The following CCNY variants were observed in gnomAD, a reference collection of about 807,000 sequenced individuals.
CCNY encodes the protein cyclin-Y.
CCNY carries 19 observed loss-of-function variants against 42.8 expected under a neutral mutation model. That is an observed-to-expected ratio of 0.44 (90% CI 0.31 to 0.65). CCNY has a LOEUF of 0.65. Among genes scored for constraint, CCNY ranks in the 30% least tolerant of loss-of-function variants. The probability of loss-of-function intolerance (pLI) is 0.07; values close to 1 mark genes in which losing one functional copy is unlikely to be tolerated. For synonymous variants in CCNY, 165 were observed against 162.7 expected, an observed-to-expected ratio of 1.01 and a Z score of -0.11; for missense variants, 370 against 437.3, an observed-to-expected ratio of 0.85 and a Z score of 1.37.
intron 1 of CCNY, chr10:35,449,912 G>T (rs1007998720): frequency 2.0e-5 from 10 of 496,422 alleles, no homozygotes; most frequent in Non-Finnish European, 2.4e-5. Context: ...CCTGAGTAGG[G>T]TGTCAAGAGT....
At chr10:35,465,658 A>AG (rs1009300176) in intron 1 of CCNY, among the ~76,000 whole-genome samples, 37 of 152,088 alleles carry the variant, frequency 2.4e-4, no homozygotes, top group African/African-American at 8.9e-4. Context: ...GTCTACTGGC[A>AG]GTTCCCTAAT....
At chr10:35,271,238 T>C (rs1016574289) in intron 3 of CCNY, among the ~76,000 whole-genome samples, 2 of 152,070 alleles carry the variant, frequency 1.3e-5, no homozygotes, top group African/African-American at 2.4e-5. Context: ...CACAACTTAA[T>C]AGAGCAGAAA....
intron 1 of CCNY, among the ~76,000 whole-genome samples, chr10:35,389,185 A>G (rs1837358404): frequency 6.6e-6 from 1 of 152,112 alleles, no homozygotes; most frequent in African/African-American, 2.4e-5. Context: ...CCTCATCTAT[A>G]TCAGATTATA....
At position 35,301,182 on chromosome 10, in the gene CCNY, C is replaced by T. The variant is rs541285648; in HGVS notation, c.-9+50556C>T. Among the ~76,000 whole-genome samples, 4 of 152,264 alleles carry T rather than the reference C, an allele frequency of 2.6e-5. No individual in the cohort carries two copies. The East Asian group carries it at 7.7e-4, about 29-fold the overall frequency. On this transcript the variant is annotated intron_variant, in intron 3 of 11. Transcript: ENST00000374706. ...GGATTCAAACTCAGATAATCTGGCA[C>T]CAGGGCTGAGATCTTAACTACAACA...
At chr10:35,391,892 C>T (rs1284969244) in intron 1 of CCNY, among the ~76,000 whole-genome samples, 1 of 152,172 alleles carries the variant, frequency 6.6e-6, no homozygotes, top group Non-Finnish European at 1.5e-5. Flanking sequence ...TATCTACCAC[C>T]CTTCATGGCC....
chr10:35,372,274 T>C (rs913725314), intron 1 of CCNY, among the ~76,000 whole-genome samples: 21 of 152,212 alleles, frequency 1.4e-4, no homozygotes, highest in African/African-American at 4.8e-4. Flanking sequence ...TTCAGGTGGC[T>C]TCATTTTTTT....
intron 3 of CCNY, among the ~76,000 whole-genome samples, chr10:35,254,328 T>C (rs1166358564): frequency 6.6e-6 from 1 of 152,184 alleles, no homozygotes; most frequent in East Asian, 1.9e-4. Context: ...CATTTGGAAA[T>C]TTATTTTGGC....
At chr10:35,487,740 T>C (rs1839816471) in intron 2 of CCNY, among the ~76,000 whole-genome samples, 1 of 152,006 alleles carries the variant, frequency 6.6e-6, no homozygotes, top group Non-Finnish European at 1.5e-5. Context: ...AAAGCCAGAG[T>C]GACTGCTTTC....
At chr10:35,483,362 T>C in intron 1 of CCNY, 42 bp from the exon 2 acceptor site, 3 of 1,282,170 alleles carry the variant, frequency 2.3e-6, no homozygotes, top group Non-Finnish European at 3.4e-6. Flanking sequence ...CTCTTAGTTA[T>C]CAGATGGTTT....
At position 35,293,951 on chromosome 10, in the gene CCNY, C is replaced by T. The variant is rs12251920; in HGVS notation, c.-9+43325C>T. Among the ~76,000 whole-genome samples the T allele has an allele frequency of 7.9e-3, 1,200 of 152,104 alleles. 22 individuals are homozygous for T. Among genetic ancestry groups the T allele is most frequent in the African/African-American group, 0.028 (1,146 of 41,474 alleles). On this transcript the variant is annotated intron_variant, in intron 3 of 11. Coordinates refer to the CCNY transcript ENST00000374706. ...GATTACAGTCACCTGCCACCACACT[C>T]GGCTACTTTTTGTATTTTAGTAGAG...
chr10:35,556,893 T>C (rs975211366), intron 8 of CCNY, among the ~76,000 whole-genome samples: 2 of 151,956 alleles, frequency 1.3e-5, no homozygotes, highest in Non-Finnish European at 2.9e-5. Flanking sequence ...TTGCCCAGGC[T>C]GGAGTCCAAT....
intron 1 of CCNY, among the ~76,000 whole-genome samples, chr10:35,443,393 T>G (rs1838717650): frequency 6.6e-6 from 1 of 152,204 alleles, no homozygotes; most frequent in African/African-American, 2.4e-5. Context: ...TTTCTTTATA[T>G]CCATACTCTG....
At chr10:35,431,829 C>A (rs554995830) in intron 1 of CCNY, among the ~76,000 whole-genome samples, 3 of 152,040 alleles carry the variant, frequency 2.0e-5, no homozygotes, top group Non-Finnish European at 4.4e-5. Flanking sequence ...TACTTAGCCT[C>A]CTAGTTTTTT....
At chr10:35,564,559 A>G (rs965312949) in intron 8 of CCNY, among the ~76,000 whole-genome samples, 8 of 152,176 alleles carry the variant, frequency 5.3e-5, no homozygotes, top group Non-Finnish European at 7.3e-5. Flanking sequence ...TGGTGCCTGC[A>G]TGTGAGGCTC....
At chr10:35,462,753 C>T (rs530530671) in intron 1 of CCNY, among the ~76,000 whole-genome samples, 1 of 152,218 alleles carries the variant, frequency 6.6e-6, no homozygotes, top group Non-Finnish European at 1.5e-5. Flanking sequence ...CACTAGCCGT[C>T]CCTCTACCCA....
intron 1 of CCNY, among the ~76,000 whole-genome samples, chr10:35,438,373 C>T (rs538933631): frequency 2.2e-4 from 34 of 151,900 alleles, no homozygotes; most frequent in Admixed American, 1.9e-3. Flanking sequence ...CCAGGCTAGT[C>T]TTGAACTCTT....
intron 3 of CCNY, among the ~76,000 whole-genome samples, chr10:35,505,106 AT>A (rs1840188491): frequency 6.6e-6 from 1 of 151,032 alleles, no homozygotes; most frequent in Admixed American, 6.6e-5. Context: ...CTGATTATAG[AT>A]TGTGGGTGAC....
chr10:35,431,176 T>G (rs1838387365), intron 1 of CCNY, among the ~76,000 whole-genome samples: 1 of 152,022 alleles, frequency 6.6e-6, no homozygotes, highest in African/African-American at 2.4e-5. Flanking sequence ...CTGGTGAATA[T>G]GTTTATAAAC....
chr10:35,509,408 TG>T (rs972879526), intron 3 of CCNY, among the ~76,000 whole-genome samples: 21 of 152,130 alleles, frequency 1.4e-4, no homozygotes, highest in African/African-American at 5.1e-4. Context: ...CCTGAGTAGC[TG>T]GGATTACAGG....
Sources: gnomAD v4.1 joint callset for allele counts (sites outside exome capture counted in the v4.1 genomes callset) on GRCh38, gnomAD v4.1.1 for gene constraint, MANE v1.5 for transcripts, NCBI Gene and HGNC (gene_info 2026-07-23, HGNC 2026-07-21) for gene names.